MARCHF8: variants seen among roughly 807,000 people sequenced by gnomAD.
The protein encoded by MARCHF8 is membrane associated ring-CH-type finger 8.
A neutral mutation model predicts 51.6 loss-of-function variants in MARCHF8; 40 were observed. That is an observed-to-expected ratio of 0.77 (90% CI 0.60 to 1.01). The LOEUF (loss-of-function observed/expected upper bound fraction) is 1.01, where lower values mean the gene tolerates loss of function less well. Ranked by LOEUF, MARCHF8 falls within the 50% of genes least tolerant of loss-of-function variation. The pLI, the probability that MARCHF8 is intolerant of heterozygous loss-of-function variation, is 0.00. For synonymous variants in MARCHF8, 263 were observed against 280.3 expected, an observed-to-expected ratio of 0.94 and a Z score of 0.62; for missense variants, 685 against 708.6, an observed-to-expected ratio of 0.97 and a Z score of 0.38.
In MARCHF8 at chr10:45,481,236, TG is replaced by T. The variant is rs2042880524; in HGVS notation, c.153+8130del. Among the ~76,000 whole-genome samples the T allele has an allele frequency of 2.0e-5, 3 of 152,304 alleles. No homozygotes were observed. The South Asian group carries it at 6.2e-4, about 32-fold the overall frequency. On this transcript the variant is annotated intron_variant, in intron 3 of 7. Coordinates refer to ENST00000453424, the MANE Select transcript of MARCHF8 (RefSeq NM_001282866.2). ...CATTGTATCTAGAAACTAACTAACT[TG>T]ATTTTGATTTTACAGGCTCACAGGT...
At chr10:45,574,947 A>G (rs2044472472) in intron 1 of MARCHF8, among the ~76,000 whole-genome samples, 1 of 148,076 alleles carries the variant, frequency 6.8e-6, no homozygotes, top group African/African-American at 2.6e-5. Flanking sequence ...CATATCCTGC[A>G]CCACCATGCT....
chr10:45,490,949 G>A (rs1167939984), intron 2 of MARCHF8, among the ~76,000 whole-genome samples: 2 of 152,150 alleles, frequency 1.3e-5, no homozygotes, highest in Non-Finnish European at 2.9e-5. Context: ...CCAGGCTAGA[G>A]TGCAGTGGCA....
chr10:45,505,673 G>A (rs949595956), intron 2 of MARCHF8, among the ~76,000 whole-genome samples: 2 of 152,206 alleles, frequency 1.3e-5, no homozygotes, highest in Non-Finnish European at 2.9e-5. Context: ...TGAAATTTGG[G>A]ACCTCCAACA....
In MARCHF8 at chr10:45,455,059, C is replaced by CA. The variant is rs1170748358; in HGVS notation, c.*3179_*3180insT. ...GACTTGTGGATCTCACCCGGTTGGT[C>CA]CCAGCCCTTCTCCAACCCTGAAGCC... On this transcript the variant is annotated 3_prime_UTR_variant, in exon 8 of 8. Transcript: ENST00000453424. 1 of 152,236 alleles carries CA rather than the reference C, an allele frequency of 6.6e-6. No homozygotes were observed. The highest frequency in any genetic ancestry group is 1.5e-5 in the Non-Finnish European group (1 of 68,058). 9.4% of individuals were successfully genotyped at this position (152,236 alleles called of 1,614,324 possible).
intron 1 of MARCHF8, among the ~76,000 whole-genome samples, chr10:45,563,384 G>A (rs547458311): frequency 6.6e-6 from 1 of 152,236 alleles, no homozygotes; most frequent in Non-Finnish European, 1.5e-5. Flanking sequence ...AGTATATGCA[G>A]GCTGTAGTAT....
chr10:45,552,934 CA>C (rs754125318), intron 1 of MARCHF8, among the ~76,000 whole-genome samples: 2 of 152,148 alleles, frequency 1.3e-5, no homozygotes, highest in Non-Finnish European at 2.9e-5. Context: ...CATGTGGCTA[CA>C]AAAGTAAGAA....
intron 1 of MARCHF8, among the ~76,000 whole-genome samples, chr10:45,563,739 CAAAT>C (rs917486122): frequency 6.6e-6 from 1 of 152,066 alleles, no homozygotes; most frequent in Admixed American, 6.6e-5. Context: ...AATTAAAAGA[CAAAT>C]AAGATTATTT....
intron 2 of MARCHF8, among the ~76,000 whole-genome samples, chr10:45,511,927 G>A (rs1415881588): frequency 1.3e-5 from 2 of 150,562 alleles, no homozygotes; most frequent in South Asian, 2.1e-4. Context: ...AGTGAGGAGC[G>A]CCTCTTCCTG....
At chr10:45,516,909 C>T (rs943682582) in intron 2 of MARCHF8, among the ~76,000 whole-genome samples, 1 of 152,244 alleles carries the variant, frequency 6.6e-6, no homozygotes, top group African/African-American at 2.4e-5. Context: ...CACTCCCAGA[C>T]AGCTCTCCAG....
intron 2 of MARCHF8, among the ~76,000 whole-genome samples, chr10:45,531,928 A>G (rs1358059636): frequency 6.6e-6 from 1 of 152,210 alleles, no homozygotes; most frequent in East Asian, 1.9e-4. Flanking sequence ...TACCTTTCAA[A>G]TCAAACCTGA....
chr10:45,542,882 G>T (rs2044072345), intron 1 of MARCHF8, among the ~76,000 whole-genome samples: 1 of 152,144 alleles, frequency 6.6e-6, no homozygotes, highest in African/African-American at 2.4e-5. Flanking sequence ...AAATAAAGAG[G>T]TTACATTGTC....
At chr10:45,535,965 T>C (rs376832742), upstream of MARCHF8, among the ~76,000 whole-genome samples, 44 of 152,314 alleles carry the variant, frequency 2.9e-4, no homozygotes, top group South Asian at 8.7e-3. Context: ...TTTAATATTG[T>C]TAAAATGGCA....
At chr10:45,533,648 G>T (rs753749288) in intron 1 of MARCHF8, among the ~76,000 whole-genome samples, 1 of 152,032 alleles carries the variant, frequency 6.6e-6, no homozygotes, top group South Asian at 2.1e-4. Flanking sequence ...CCTGAAATAA[G>T]CAGTGATCTT....
Position 45,457,988 on chromosome 10 carries a change from C to T in MARCHF8, c.*251G>A. On this transcript the variant is annotated 3_prime_UTR_variant, in exon 8 of 8. Transcript: ENST00000453424. ...AGACCATGGGCAGGAACTCTGCTGG[C>T]TCCCCATGATGTCATCATGGGGTCT... 2 of 472,940 alleles carry T rather than the reference C, an allele frequency of 4.2e-6. No individual in the cohort carries two copies. Among genetic ancestry groups the T allele is most frequent in the South Asian group, 8.6e-5 (2 of 23,344 alleles). 29.3% of individuals were successfully genotyped at this position (472,940 alleles called of 1,614,324 possible).
At chr10:45,481,803 G>T (rs1459170953) in intron 3 of MARCHF8, among the ~76,000 whole-genome samples, 2 of 152,184 alleles carry the variant, frequency 1.3e-5, no homozygotes, top group Non-Finnish European at 2.9e-5. Context: ...GTTCAACACA[G>T]TACTGGAAGT....
chr10:45,457,223 T>C lies in MARCHF8; in HGVS notation c.*1016A>G, dbSNP rs1232038479. The stretch of plus-strand genomic sequence containing the variant: ...GGAGAGATTTAACTATAAAGGAATA[T>C]TTTTTAAATATTCAGTTTTGTTGTC... On this transcript the variant is annotated 3_prime_UTR_variant, in exon 8 of 8. Transcript: ENST00000453424. 7.2e-6 allele frequency: 1 copy of C among 137,990 alleles called. No individual in the cohort carries two copies. The allele number at this position is 137,990 out of a possible 1,614,324, so 8.5% of individuals were successfully genotyped here.
intron 1 of MARCHF8, among the ~76,000 whole-genome samples, chr10:45,560,201 A>C (rs1367657344): frequency 6.6e-6 from 1 of 152,184 alleles, no homozygotes; most frequent in Non-Finnish European, 1.5e-5. Context: ...AATGTTGTAG[A>C]TGAGGAAGCC....
chr10:45,530,228 T>C (rs759175605), intron 2 of MARCHF8, among the ~76,000 whole-genome samples: 5 of 151,942 alleles, frequency 3.3e-5, no homozygotes, highest in Non-Finnish European at 7.4e-5. Context: ...AGCTGAAAAA[T>C]ATGTACACAG....
intron 1 of MARCHF8, among the ~76,000 whole-genome samples, chr10:45,585,411 ACTACG>A: frequency 6.6e-6 from 1 of 152,338 alleles, no homozygotes; most frequent in Admixed American, 6.5e-5. Context: ...ACACCAATGA[ACTACG>A]GCCATACAAA....
Sources: gnomAD v4.1 joint callset for allele counts (sites outside exome capture counted in the v4.1 genomes callset) on GRCh38, gnomAD v4.1.1 for gene constraint, MANE v1.5 for transcripts, NCBI Gene and HGNC (gene_info 2026-07-23, HGNC 2026-07-21) for gene names.